Variants in DIXDC1 observed in about 807,000 individuals in gnomAD.
DIXDC1 encodes DIX domain containing 1, also known as dixin.
In DIXDC1, 64 loss-of-function variants were observed where a neutral mutation model predicts 103.1. The ratio of observed to expected loss-of-function variants is 0.62; its 90% confidence interval spans 0.51 to 0.76. The LOEUF (loss-of-function observed/expected upper bound fraction) is 0.76. DIXDC1 is among the 30% of genes least tolerant of loss of function. The pLI, the probability that DIXDC1 is intolerant of heterozygous loss-of-function variation, is 0.00. For synonymous variants in DIXDC1, 266 were observed against 298.5 expected (o/e 0.89, Z 1.12); for missense variants, 759 against 834.2 (o/e 0.91, Z 1.11).
chr11:111,977,450 A>G lies in DIXDC1; in HGVS notation c.656+2467A>G. On this transcript the variant is annotated intron_variant, in intron 5 of 19. Coordinates refer to ENST00000440460, the MANE Select transcript of DIXDC1 (RefSeq NM_001037954.4). This position sits in a 1 kb window ranked among gnomAD's most constrained non-coding sequence, Gnocchi z 6.1. ...CCGGCACCGTGCGTCCGCGGAGGCC[A>G]AGATGCAGCGGCCAGGGGCCGGCAG... The G allele has an allele frequency of 7.9e-7, 1 of 1,258,182 alleles. No individual in the cohort carries two copies. Among genetic ancestry groups the G allele is most frequent in the Non-Finnish European group, 1.0e-6 (1 of 999,756 alleles). The allele number at this position is 1,258,182 out of a possible 1,614,324, so 77.9% of individuals were successfully genotyped here. A position where few individuals can be genotyped will look rare whatever the true frequency, so the allele number is the denominator to read the frequency against.
In DIXDC1 at chr11:111,992,480, G is replaced by A; in HGVS notation, c.1179G>A (p.Leu393=). ...TTCTTCAGCTCAAACAAGAGCTACT[G>A]AGGGCAAATATGGACAAAGATGAGC... ...TSVLQLKQEL[L]RANMDKDELH... is the part of the protein sequence containing the mutation. The change falls in exon 11 of 20, where the codon CTG becomes CTA. Residue 393 remains leucine, a synonymous_variant. Coordinates refer to ENST00000440460, the MANE Select transcript of DIXDC1 (RefSeq NM_001037954.4). 1.3e-6 allele frequency: 2 copies of A among 1,578,494 alleles called. No homozygotes were observed. The highest frequency in any genetic ancestry group is 1.7e-6 in the Non-Finnish European group (2 of 1,161,362).
rs1555177392 is a variant in DIXDC1 at position 112,013,321 on chromosome 11, T to TGGAG, written c.1757-3368_1757-3367insAGGG. ...CATATGAAGTTGACGGGTCGGGGGG[T>TGGAG]GGGGGTGGGGTGGGGGGGGGGAACA... On this transcript the variant is annotated intron_variant, in intron 17 of 19. Transcript: ENST00000440460. Among the ~76,000 whole-genome samples, 202 of 35,710 alleles carry TGGAG rather than the reference T, an allele frequency of 5.7e-3. 4 individuals are homozygous for TGGAG. Among genetic ancestry groups the TGGAG allele is most frequent in the African/African-American group, 0.018 (185 of 10,224 alleles). The allele number at this position is 35,710 out of a possible 152,430, so 23.4% of individuals were successfully genotyped here. A position where few individuals can be genotyped will look rare whatever the true frequency, so the allele number is the denominator to read the frequency against.
upstream of DIXDC1, among the ~76,000 whole-genome samples, chr11:111,933,073 C>T (rs895106301): frequency 1.3e-5 from 2 of 152,028 alleles, no homozygotes; most frequent in East Asian, 1.9e-4. Context: ...TCCTAAATTA[C>T]GTATAATTAA....
At chr11:111,978,287 T>A (rs1860184725) in intron 5 of DIXDC1, among the ~76,000 whole-genome samples, 1 of 152,190 alleles carries the variant, frequency 6.6e-6, no homozygotes, top group Non-Finnish European at 1.5e-5. Flanking sequence ...GAGCCTGTCA[T>A]ATACATAATT....
Position 112,017,631 on chromosome 11 carries a change from T to C in DIXDC1, c.1863-146T>C. On this transcript the variant is annotated intron_variant, in intron 18 of 19. Transcript: ENST00000440460. The surrounding 1 kb of genome is among the most constrained non-coding windows in gnomAD (Gnocchi z 4.0). ...ACTGGTTCTCCAGCCTCTGCTGTTT[T>C]AGTCATCTGGGTTATCGGGGCAGTG... 1 of 553,674 alleles carries C rather than the reference T, an allele frequency of 1.8e-6. No individual in the cohort carries two copies. The highest frequency in any genetic ancestry group is 3.3e-6 in the Non-Finnish European group (1 of 304,394). 34.3% of individuals were successfully genotyped at this position (553,674 alleles called of 1,614,324 possible). A position where few individuals can be genotyped will look rare whatever the true frequency, so the allele number is the denominator to read the frequency against.
At position 111,977,522 on chromosome 11, in the gene DIXDC1, C is replaced by T; in HGVS notation, c.656+2539C>T. 1 of 1,407,788 alleles carries T rather than the reference C, an allele frequency of 7.1e-7. No homozygotes were observed. Among genetic ancestry groups the T allele is most frequent in the African/African-American group, 1.5e-5 (1 of 66,376 alleles). The allele number at this position is 1,407,788 out of a possible 1,614,324, so 87.2% of individuals were successfully genotyped here. The stretch of plus-strand genomic sequence containing the variant: ...CGCCGGGGCCGGGCTGCTGCACAGT[C>T]TGAGCGGCCGGGACTGCGCGCTTCA... On this transcript the variant is annotated intron_variant, in intron 5 of 19. Coordinates refer to ENST00000440460, the MANE Select transcript of DIXDC1 (RefSeq NM_001037954.4). This position sits in a 1 kb window ranked among gnomAD's most constrained non-coding sequence, Gnocchi z 6.1.
intron 1 of DIXDC1, among the ~76,000 whole-genome samples, chr11:111,956,058 A>G (rs1258511244): frequency 6.6e-6 from 1 of 151,908 alleles, no homozygotes; most frequent in Non-Finnish European, 1.5e-5. Context: ...AAGGAAAGAA[A>G]TCTTGTCACA....
At chr11:111,988,548 A>G (rs1018875403) in intron 9 of DIXDC1, among the ~76,000 whole-genome samples, 2 of 152,216 alleles carry the variant, frequency 1.3e-5, no homozygotes, top group African/African-American at 2.4e-5. Context: ...CCCACAAAGA[A>G]CAATACCCTC....
intron 17 of DIXDC1, among the ~76,000 whole-genome samples, chr11:112,006,885 C>T (rs587593662): frequency 6.6e-6 from 1 of 152,310 alleles, no homozygotes; most frequent in Non-Finnish European, 1.5e-5. Context: ...ATTCTAAAAA[C>T]GAGAGTACCT....
Position 111,958,445 on chromosome 11 carries a change from C to CGG in DIXDC1, c.61-6102_61-6101dup, listed in dbSNP as rs1361011511. The stretch of plus-strand genomic sequence containing the variant: ...CTTGGAGCAAAGTTGAGGCCAAGCC[C>CGG]GGGCACTGCCACAACCTGGCTGGGT... On this transcript the variant is annotated intron_variant, in intron 1 of 19. Transcript: ENST00000440460. The surrounding 1 kb of genome is among the most constrained non-coding windows in gnomAD (Gnocchi z 4.2). 2.0e-5 allele frequency among the ~76,000 whole-genome samples: 3 copies of CGG among 152,240 alleles called. No individual in the cohort carries two copies. The highest frequency in any genetic ancestry group is 2.9e-5 in the Non-Finnish European group (2 of 68,042).
At position 111,977,268 on chromosome 11, in the gene DIXDC1, G is replaced by A; in HGVS notation, c.656+2285G>A. 1 of 1,003,996 alleles carries A rather than the reference G, an allele frequency of 1.0e-6. No individual in the cohort carries two copies. Among genetic ancestry groups the A allele is most frequent in the Non-Finnish European group, 1.2e-6 (1 of 842,516 alleles). 62.2% of individuals were successfully genotyped at this position (1,003,996 alleles called of 1,614,324 possible). A position where few individuals can be genotyped will look rare whatever the true frequency, so the allele number is the denominator to read the frequency against. On this transcript the variant is annotated intron_variant, in intron 5 of 19. Coordinates refer to ENST00000440460, the MANE Select transcript of DIXDC1 (RefSeq NM_001037954.4). This position sits in a 1 kb window ranked among gnomAD's most constrained non-coding sequence, Gnocchi z 6.1. Reference sequence around the variant, plus strand: ...TCGGAGCCCGGCTGCCTCGCCGCGTGTGACAGCCCAGGGAGGGAGCAGAGG... The same window carrying A: ...TCGGAGCCCGGCTGCCTCGCCGCGTATGACAGCCCAGGGAGGGAGCAGAGG...
intron 1 of DIXDC1, among the ~76,000 whole-genome samples, chr11:111,949,988 A>C (rs1301495676): frequency 6.6e-6 from 1 of 151,990 alleles, no homozygotes; most frequent in Admixed American, 6.6e-5. Context: ...GCCTGTAAGC[A>C]CTGACCTTGG....
chr11:111,954,318 A>T (rs1346657488), intron 1 of DIXDC1, among the ~76,000 whole-genome samples: 4 of 152,104 alleles, frequency 2.6e-5, no homozygotes, highest in Non-Finnish European at 4.4e-5. Flanking sequence ...TCCCATTCCC[A>T]TGAGAATCTA....
In DIXDC1 at chr11:111,962,063, G is replaced by C. The variant is rs117183517; in HGVS notation, c.61-2486G>C. On this transcript the variant is annotated intron_variant, in intron 1 of 19. Coordinates refer to ENST00000440460, the MANE Select transcript of DIXDC1 (RefSeq NM_001037954.4). ...TGTTGTAGCCTCATAACTGGGTACA[G>C]TGCCTCAAATTATTGTTGAACTGAT... Among the ~76,000 whole-genome samples the C allele has an allele frequency of 6.8e-3, 1,041 of 152,312 alleles. 6 individuals are homozygous for C. The highest frequency in any genetic ancestry group is 0.051 in the Middle Eastern group (15 of 294).
chr11:111,972,508 A>G (rs1376441859), intron 3 of DIXDC1, among the ~76,000 whole-genome samples: 1 of 152,186 alleles, frequency 6.6e-6, no homozygotes, highest in African/African-American at 2.4e-5. Context: ...GATCTTTCTA[A>G]GAGTACATAT....
intron 17 of DIXDC1, among the ~76,000 whole-genome samples, chr11:112,000,665 C>T (rs1555175879): frequency 6.6e-6 from 1 of 151,202 alleles, no homozygotes; most frequent in African/African-American, 2.4e-5. Flanking sequence ...CCATTGCACT[C>T]CAGCCTGGCA....
In DIXDC1 at chr11:112,017,749, A is replaced by G. The variant is rs782062364; in HGVS notation, c.1863-28A>G. ...CTTTCCAGCTATTGATCAACAGTCT[A>G]TTTTAGTGCTCTCTCCTTGTGTTGC... On this transcript the variant is annotated intron_variant, in intron 18 of 19. Coordinates refer to ENST00000440460, the MANE Select transcript of DIXDC1 (RefSeq NM_001037954.4). The surrounding 1 kb of genome is among the most constrained non-coding windows in gnomAD (Gnocchi z 4.0). 1.8e-5 allele frequency: 28 copies of G among 1,566,630 alleles called. 1 individual carries two copies. In the South Asian group the frequency reaches 3.2e-4, roughly 18 times the overall value.
chr11:111,944,801 T>A (rs966574591), intron 1 of DIXDC1, among the ~76,000 whole-genome samples: 1 of 152,210 alleles, frequency 6.6e-6, no homozygotes, highest in Admixed American at 6.5e-5. Context: ...GTCTACTGAC[T>A]GACTTCTTCT....
At position 111,999,963 on chromosome 11, in the gene DIXDC1, C is replaced by T. The variant is rs986067203; in HGVS notation, c.1756+3817C>T. Among the ~76,000 whole-genome samples the T allele has an allele frequency of 8.5e-5, 13 of 152,238 alleles. No homozygotes were observed. The Middle Eastern group carries it at 0.01, about 119-fold the overall frequency. ...CCAGCCTGGCCAACCTGGCGAAACC[C>T]TGTCTCTACTAAAAATACAAAAATT... On this transcript the variant is annotated intron_variant, in intron 17 of 19. Coordinates refer to ENST00000440460, the MANE Select transcript of DIXDC1 (RefSeq NM_001037954.4).
Sources: allele counts gnomAD v4.1 joint callset (sites outside exome capture counted in the v4.1 genomes callset), GRCh38; gene constraint gnomAD v4.1.1; non-coding constraint Gnocchi (gnomAD v3.1); transcripts MANE v1.5; gene names NCBI Gene and HGNC (gene_info 2026-07-23, HGNC 2026-07-21).